Variants in PLEKHD1 observed in about 807,000 individuals in gnomAD.
PLEKHD1 encodes pleckstrin homology and coiled-coil domain containing D1.
PLEKHD1 carries 51 observed loss-of-function variants against 69.2 expected under a neutral mutation model. That is an observed-to-expected ratio of 0.74 (90% CI 0.59 to 0.93). The LOEUF is 0.93. Ranked by LOEUF, PLEKHD1 falls within the 40% of genes least tolerant of loss-of-function variation. The pLI, the probability that PLEKHD1 is intolerant of heterozygous loss-of-function variation, is 0.00. For missense variants in PLEKHD1, 584 were observed against 641.0 expected, an observed-to-expected ratio of 0.91 and a Z score of 0.96; for synonymous variants, 236 against 244.7, an observed-to-expected ratio of 0.96 and a Z score of 0.33.
At chr14:69,485,292 A>C (rs1882630942) in intron 1 of PLEKHD1, among the ~76,000 whole-genome samples, 178 bp downstream of exon 1, 1 of 152,118 alleles carries the variant, frequency 6.6e-6, no homozygotes, top group Admixed American at 6.5e-5. Flanking sequence ...GGGCCGGGAG[A>C]ATGGAGATGG....
chr14:69,500,714 C>A (rs1247634644), intron 3 of PLEKHD1, 48 bp downstream of exon 3: 1 of 1,536,860 alleles, frequency 6.5e-7, no homozygotes, highest in South Asian at 1.2e-5. Context: ...AGCAGACCAG[C>A]CTCTCAGGCC....
Position 69,527,351 on chromosome 14 carries a change from C to T in PLEKHD1, c.1201+19C>T, listed in dbSNP as rs1395697306. The T allele has an allele frequency of 7.1e-6, 11 of 1,551,224 alleles. No individual in the cohort carries two copies. Among genetic ancestry groups the T allele is most frequent in the Non-Finnish European group, 1.7e-6 (2 of 1,146,928 alleles). ...CTGAAAAGTAAGCCCTGCCTCTAGG[C>T]CCTGGCCCCCAGCTTTGGCACTCAG... On this transcript the variant is annotated intron_variant, in intron 11 of 12. Coordinates refer to ENST00000322564, the MANE Select transcript of PLEKHD1 (RefSeq NM_001161498.2).
chr14:69,469,939 C>A, the PLEKHD1 span, among the ~76,000 whole-genome samples: 1 of 151,652 alleles, frequency 6.6e-6, no homozygotes, highest in African/African-American at 2.4e-5. Flanking sequence ...CCAGGCTGAT[C>A]TCGAACTCCT....
At chr14:69,492,884 C>A (rs1156461589) in intron 1 of PLEKHD1, among the ~76,000 whole-genome samples, 3 of 151,392 alleles carry the variant, frequency 2.0e-5, no homozygotes, top group Non-Finnish European at 4.4e-5. Flanking sequence ...ATACTTCTAC[C>A]TCAGCCTCCC....
At chr14:69,526,611 C>T (rs1321122808) in intron 9 of PLEKHD1, 86 bp from the exon 10 acceptor site, 4 of 1,408,128 alleles carry the variant, frequency 2.8e-6, no homozygotes, top group Non-Finnish European at 3.7e-6. Flanking sequence ...GTTTCTCCAG[C>T]CCAGGTCTCT....
intron 6 of PLEKHD1, among the ~76,000 whole-genome samples, chr14:69,513,327 A>C (rs1883313491): frequency 6.6e-6 from 1 of 152,212 alleles, no homozygotes; most frequent in South Asian, 2.1e-4. Flanking sequence ...AGCCCTCAGA[A>C]TCACAGCAGA....
chr14:69,490,701 C>A (rs1882759958), intron 1 of PLEKHD1, among the ~76,000 whole-genome samples: 1 of 152,130 alleles, frequency 6.6e-6, no homozygotes, highest in African/African-American at 2.4e-5. Context: ...AGATGAGAAG[C>A]ACAGGCCAGG....
chr14:69,528,113 G>A, intron 12 of PLEKHD1, 137 bp from the exon 13 acceptor site: 1 of 1,399,678 alleles, frequency 7.1e-7, no homozygotes, highest in Non-Finnish European at 9.7e-7. Flanking sequence ...GGATATGGAA[G>A]CCCGTGTGTG....
chr14:69,494,184 A>G (rs1882836351), intron 1 of PLEKHD1, among the ~76,000 whole-genome samples: 1 of 152,242 alleles, frequency 6.6e-6, no homozygotes, highest in South Asian at 2.1e-4. Flanking sequence ...TTAGGGGAAC[A>G]TTATCCTGAC....
chr14:69,473,840 G>A, the PLEKHD1 span, among the ~76,000 whole-genome samples: 5 of 152,316 alleles, frequency 3.3e-5, no homozygotes, highest in East Asian at 9.7e-4. Context: ...CTTGAGGGCA[G>A]AATTTGATAA....
In PLEKHD1 at chr14:69,524,123, C is replaced by T. The variant is rs1883583710; in HGVS notation, c.651-106C>T. On this transcript the variant is annotated intron_variant, in intron 7 of 12. Transcript: ENST00000322564. ...GAGGGGCTGGCCATTCAAGAGCCCT[C>T]CTGAGCCCCATCAGGAAGTGAAGCA... 4 of 915,004 alleles carry T rather than the reference C, an allele frequency of 4.4e-6. No homozygotes were observed. In the East Asian group the frequency reaches 8.0e-5, roughly 18 times the overall value. 56.7% of individuals were successfully genotyped at this position (915,004 alleles called of 1,614,324 possible).
chr14:69,524,181 G>C, intron 7 of PLEKHD1, 48 bp from the exon 8 acceptor site: 1 of 1,411,492 alleles, frequency 7.1e-7, no homozygotes, highest in Non-Finnish European at 9.8e-7. Flanking sequence ...TGATTGGTGG[G>C]GGGTGGGGAG....
chr14:69,503,116 C>T, intron 6 of PLEKHD1: 3 of 529,322 alleles, frequency 5.7e-6, no homozygotes, highest in Non-Finnish European at 1.0e-5. Flanking sequence ...TGGGTGATGA[C>T]CTTCTAGAGA....
chr14:69,471,090 CTTTTTTTTTTTTTTTTTTTTT>C, the PLEKHD1 span, among the ~76,000 whole-genome samples: 2 of 44,722 alleles, frequency 4.5e-5, no homozygotes, highest in African/African-American at 8.5e-5. Context: ...CGTGCCTGGC[CTTTTTTTTTTTTTTTTTTTTT>C]TTTTTTTTTT....
At chr14:69,472,085 C>A in the PLEKHD1 span, among the ~76,000 whole-genome samples, 10 of 152,190 alleles carry the variant, frequency 6.6e-5, no homozygotes, top group East Asian at 1.5e-3. Context: ...GAGTCAGAAC[C>A]AAACACCACA....
chr14:69,487,223 A>ACACG (rs1555411872), intron 1 of PLEKHD1, among the ~76,000 whole-genome samples: 1 of 149,488 alleles, frequency 6.7e-6, no homozygotes, highest in East Asian at 2.0e-4. Context: ...ACACACACAC[A>ACACG]CGCTATTTAG....
rs564838906 is a variant in PLEKHD1, at chr14:69,528,405, C to A, written c.1507C>A (p.Arg503=). 1 of 1,550,954 alleles carries A rather than the reference C, an allele frequency of 6.4e-7. No individual in the cohort carries two copies. The highest frequency in any genetic ancestry group is 1.2e-5 in the South Asian group (1 of 84,012). The change falls in exon 13 of 13, where the codon CGG becomes AGG. Residue 503 remains arginine, a synonymous_variant. Coordinates refer to ENST00000322564, the MANE Select transcript of PLEKHD1 (RefSeq NM_001161498.2). ...TQPGAPSALS[R]GGK The stretch of plus-strand genomic sequence containing the variant: ...GCCTGGAGCCCCCTCGGCACTCTCC[C>A]GGGGTGGAAAGTGATGGGCGCTCCT...
At chr14:69,490,496 G>A (rs186722458) in intron 1 of PLEKHD1, among the ~76,000 whole-genome samples, 1 of 152,306 alleles carries the variant, frequency 6.6e-6, no homozygotes, top group African/African-American at 2.4e-5. Flanking sequence ...GACTGGTACT[G>A]GTCCAGGGCC....
intron 6 of PLEKHD1, among the ~76,000 whole-genome samples, chr14:69,508,780 A>G (rs187845672): frequency 1.3e-5 from 2 of 152,326 alleles, no homozygotes; most frequent in African/African-American, 4.8e-5. Context: ...GGGGGTGATT[A>G]TCGGGTAATT....
Sources: allele counts gnomAD v4.1 joint callset (sites outside exome capture counted in the v4.1 genomes callset), GRCh38; gene constraint gnomAD v4.1.1; transcripts MANE v1.5; gene names NCBI Gene and HGNC (gene_info 2026-07-23, HGNC 2026-07-21).